The following GLRA3 variants were observed in gnomAD, a reference collection of about 807,000 sequenced individuals.
GLRA3 encodes glycine receptor subunit alpha-3.
In GLRA3, 44 loss-of-function variants were observed where a neutral mutation model predicts 60.4. The observed-to-expected ratio is 0.73, with a 90% CI of 0.57 to 0.94. The LOEUF is 0.94. Among genes scored for constraint, GLRA3 ranks in the 40% least tolerant of loss-of-function variants. The pLI is 0.00. For synonymous variants in GLRA3, 223 were observed against 192.9 expected (o/e 1.16, Z -1.29); for missense variants, 508 against 564.6 (o/e 0.90, Z 1.02).
chr4:174,688,473 T>C (rs1448430826), intron 5 of GLRA3, among the ~76,000 whole-genome samples: 2 of 150,612 alleles, frequency 1.3e-5, no homozygotes, highest in Admixed American at 6.6e-5. Flanking sequence ...TATTCTGTTT[T>C]AGTCAGTGGC....
At chr4:174,654,799 G>GCA (rs954714867) in intron 9 of GLRA3, among the ~76,000 whole-genome samples, 5 of 151,838 alleles carry the variant, frequency 3.3e-5, no homozygotes, top group African/African-American at 1.2e-4. Context: ...ACACACACAA[G>GCA]CACACACACA....
chr4:174,799,565 G>A (rs572641866), intron 1 of GLRA3, among the ~76,000 whole-genome samples: 7 of 152,242 alleles, frequency 4.6e-5, no homozygotes, highest in Non-Finnish European at 7.4e-5. Flanking sequence ...CCAAAATGGC[G>A]AACTCACATG....
intron 9 of GLRA3, among the ~76,000 whole-genome samples, chr4:174,650,292 C>T (rs1345470496): frequency 6.6e-6 from 1 of 152,144 alleles, no homozygotes; most frequent in African/African-American, 2.4e-5. Flanking sequence ...AGTAACCAGA[C>T]TGAATTTCAA....
intron 3 of GLRA3, among the ~76,000 whole-genome samples, chr4:174,752,621 T>A (rs749986325): frequency 1.3e-5 from 2 of 152,096 alleles, no homozygotes; most frequent in Non-Finnish European, 2.9e-5. Context: ...CCAGAAGCGC[T>A]GGAAGACTTA....
intron 5 of GLRA3, among the ~76,000 whole-genome samples, chr4:174,714,568 T>C (rs1579493427): frequency 6.6e-6 from 1 of 152,202 alleles, no homozygotes; most frequent in East Asian, 1.9e-4. Context: ...TATAGTCACG[T>C]TGCCCCACAA....
chr4:174,721,865 GTATATGTGTGTGTA>G (rs1473554731), intron 4 of GLRA3, among the ~76,000 whole-genome samples: 4 of 97,792 alleles, frequency 4.1e-5, no homozygotes, highest in South Asian at 3.5e-4. Flanking sequence ...ATATGTGTGT[GTATATGTGTGTGTA>G]TATATATATG....
intron 2 of GLRA3, among the ~76,000 whole-genome samples, chr4:174,781,172 G>T (rs566444057): frequency 3.9e-5 from 6 of 152,018 alleles, no homozygotes; most frequent in African/African-American, 1.4e-4. Context: ...ACTCAAAACC[G>T]CTCAACTACA....
chr4:174,715,475 G>T lies in GLRA3; in HGVS notation c.574+13C>A. On this transcript the variant is annotated intron_variant, in intron 5 of 9. Transcript: ENST00000274093. Reference sequence around the variant, plus strand: ...TGTAAAAGTATTTTAAAAAGTAAGTGGTTCATACTTACAGCTTTCCAGTTG... The same window carrying T: ...TGTAAAAGTATTTTAAAAAGTAAGTTGTTCATACTTACAGCTTTCCAGTTG... The T allele has an allele frequency of 1.6e-6, 2 of 1,254,566 alleles. No homozygotes were observed. Among genetic ancestry groups the T allele is most frequent in the Non-Finnish European group, 2.3e-6 (2 of 861,446 alleles). The allele number at this position is 1,254,566 out of a possible 1,614,324, so 77.7% of individuals were successfully genotyped here.
intron 3 of GLRA3, among the ~76,000 whole-genome samples, chr4:174,730,617 C>G (rs1736514181): frequency 6.6e-6 from 1 of 152,068 alleles, no homozygotes; most frequent in Non-Finnish European, 1.5e-5. Flanking sequence ...TCTCTTTATC[C>G]TTATGTTATT....
chr4:174,653,097 T>G (rs1024690394), intron 9 of GLRA3, among the ~76,000 whole-genome samples: 2 of 152,094 alleles, frequency 1.3e-5, no homozygotes, highest in Admixed American at 6.6e-5. Flanking sequence ...GCCAAATACT[T>G]TTTTGTAACT....
chr4:174,725,735 G>A (rs1453172580), intron 4 of GLRA3, among the ~76,000 whole-genome samples: 12 of 152,096 alleles, frequency 7.9e-5, no homozygotes, highest in Admixed American at 7.9e-4. Flanking sequence ...GCCTGCCTCA[G>A]CCTCCCAAAG....
At chr4:174,802,885 T>C (rs1398591954) in intron 1 of GLRA3, among the ~76,000 whole-genome samples, 2 of 152,098 alleles carry the variant, frequency 1.3e-5, no homozygotes, top group East Asian at 1.9e-4. Flanking sequence ...TAGTGTTACA[T>C]TCAGGACTTA....
chr4:174,655,401 T>C (rs1579393913), intron 9 of GLRA3, among the ~76,000 whole-genome samples: 1 of 152,150 alleles, frequency 6.6e-6, no homozygotes, highest in East Asian at 1.9e-4. Context: ...TGAATATATC[T>C]GTGTTATATT....
At chr4:174,823,251 A>C (rs72708284) in intron 1 of GLRA3, among the ~76,000 whole-genome samples, 13 of 152,162 alleles carry the variant, frequency 8.5e-5, no homozygotes, top group South Asian at 4.1e-4. Flanking sequence ...CTCAAAAAAA[A>C]AATGTATTTC....
chr4:174,756,029 A>G (rs536087591), intron 3 of GLRA3, among the ~76,000 whole-genome samples: 2 of 152,274 alleles, frequency 1.3e-5, no homozygotes, highest in South Asian at 4.1e-4. Flanking sequence ...GGAAAAATTC[A>G]TTGAAAAACA....
At chr4:174,774,850 T>A (rs1738531049) in intron 2 of GLRA3, among the ~76,000 whole-genome samples, 1 of 152,194 alleles carries the variant, frequency 6.6e-6, no homozygotes, top group Non-Finnish European at 1.5e-5. Context: ...TTTCTTGTTA[T>A]AATGGTTAGA....
chr4:174,817,420 A>G (rs1038270727), intron 1 of GLRA3, among the ~76,000 whole-genome samples: 2 of 152,152 alleles, frequency 1.3e-5, no homozygotes, highest in South Asian at 2.1e-4. Flanking sequence ...GAAAGGGAGA[A>G]AAATCTTTCT....
At chr4:174,689,180 T>A (rs1734683547) in intron 5 of GLRA3, among the ~76,000 whole-genome samples, 1 of 152,102 alleles carries the variant, frequency 6.6e-6, no homozygotes, top group East Asian at 1.9e-4. Flanking sequence ...CACTATAAAA[T>A]AAAACAATAA....
intron 2 of GLRA3, among the ~76,000 whole-genome samples, chr4:174,771,372 A>G (rs1738379133): frequency 6.6e-6 from 1 of 152,138 alleles, no homozygotes; most frequent in Non-Finnish European, 1.5e-5. Flanking sequence ...GGCATCCTTG[A>G]AAAGCTAAAA....
Sources: gnomAD v4.1 joint callset for allele counts (sites outside exome capture counted in the v4.1 genomes callset) on GRCh38, gnomAD v4.1.1 for gene constraint, MANE v1.5 for transcripts, NCBI Gene and HGNC (gene_info 2026-07-23, HGNC 2026-07-21) for gene names.